CMTM8: variants seen among roughly 807,000 people sequenced by gnomAD.
CMTM8 encodes the protein CKLF-like MARVEL transmembrane domain-containing protein 8.
In CMTM8, 12 loss-of-function variants were observed where a neutral mutation model predicts 18.6. That is an observed-to-expected ratio of 0.65 (90% CI 0.41 to 1.05). CMTM8 has a LOEUF of 1.05. CMTM8 is among the 50% of genes least tolerant of loss of function. The pLI is 0.00. For missense variants in CMTM8, 217 were observed against 227.2 expected (o/e 0.95, Z 0.29); for synonymous variants, 87 against 90.6 (o/e 0.96, Z 0.23).
rs1338908818 is a variant in CMTM8, at chr3:32,318,586, A to T, written c.148-38787A>T. The stretch of plus-strand genomic sequence containing the variant: ...TTAATTTTTTTTTTTTTTTTTTTTG[A>T]GACAGAGTCTCACTCTGTCACCCAG... On this transcript the variant is annotated intron_variant, in intron 1 of 3. Coordinates refer to ENST00000307526, the MANE Select transcript of CMTM8 (RefSeq NM_178868.5). 8.1e-4 allele frequency among the ~76,000 whole-genome samples: 75 copies of T among 92,502 alleles called. 1 individual carries two copies. The highest frequency in any genetic ancestry group is 2.2e-3 in the African/African-American group (52 of 23,682). 60.7% of individuals were successfully genotyped at this position (92,502 alleles called of 152,430 possible). A position where few individuals can be genotyped will look rare whatever the true frequency, so the allele number is the denominator to read the frequency against.
chr3:32,326,246 A>T (rs530244805), intron 1 of CMTM8, among the ~76,000 whole-genome samples: 1 of 152,350 alleles, frequency 6.6e-6, no homozygotes, highest in African/African-American at 2.4e-5. Context: ...CCAACTCTGA[A>T]ACACTGATGC....
At chr3:32,353,643 A>G (rs1443790360) in intron 1 of CMTM8, among the ~76,000 whole-genome samples, 1 of 152,224 alleles carries the variant, frequency 6.6e-6, no homozygotes, top group Non-Finnish European at 1.5e-5. Context: ...AGAAAGAGAA[A>G]GATGTGCAGG....
intron 1 of CMTM8, among the ~76,000 whole-genome samples, chr3:32,337,792 G>T (rs575954215): frequency 6.6e-6 from 1 of 152,062 alleles, no homozygotes; most frequent in Non-Finnish European, 1.5e-5. Context: ...GACATCATTG[G>T]AGAATCCAAG....
intron 1 of CMTM8, among the ~76,000 whole-genome samples, chr3:32,349,429 T>C (rs1216158045): frequency 1.3e-5 from 2 of 152,130 alleles, no homozygotes; most frequent in Admixed American, 1.3e-4. Context: ...GTCTTCATAC[T>C]GAATACTTAG....
chr3:32,243,054 A>G (rs573335391), intron 1 of CMTM8, among the ~76,000 whole-genome samples: 43 of 151,692 alleles, frequency 2.8e-4, no homozygotes, highest in Admixed American at 1.3e-3. Context: ...CACCAAGCCT[A>G]CCTAATTTTT....
intron 1 of CMTM8, among the ~76,000 whole-genome samples, chr3:32,301,409 A>G (rs1695616152): frequency 6.6e-6 from 1 of 152,200 alleles, no homozygotes; most frequent in Non-Finnish European, 1.5e-5. Context: ...ATTTTAAATA[A>G]CAATATATAA....
intron 1 of CMTM8, among the ~76,000 whole-genome samples, chr3:32,303,499 T>C (rs924008613): frequency 2.0e-5 from 3 of 152,312 alleles, no homozygotes; most frequent in African/African-American, 7.2e-5. Context: ...TAAAAGTAAA[T>C]TGGGTCGCTT....
rs539692446 is a variant in CMTM8 at position 32,299,875 on chromosome 3, G to A, written c.148-57498G>A. ...TTTTGGGCTTTGTAGGCCAAAATAT[G>A]TACTGTCTGTAGCTACTTAACTCTG... On this transcript the variant is annotated intron_variant, in intron 1 of 3. Coordinates refer to ENST00000307526, the MANE Select transcript of CMTM8 (RefSeq NM_178868.5). 6.6e-5 allele frequency among the ~76,000 whole-genome samples: 10 copies of A among 152,276 alleles called. No homozygotes were observed. The South Asian group carries it at 2.1e-3, about 32-fold the overall frequency.
rs182569072 is a variant in CMTM8, at chr3:32,297,277, C to T, written c.147+58158C>T. On this transcript the variant is annotated intron_variant, in intron 1 of 3. Transcript: ENST00000307526. ...CACTGCAACCTCCACCTCCTGGGTTCAAGTGATTCTCCTGCCTCAGCCTCC... is the reference window on the plus strand; with the variant it reads ...CACTGCAACCTCCACCTCCTGGGTTTAAGTGATTCTCCTGCCTCAGCCTCC... Among the ~76,000 whole-genome samples, 1,299 of 152,260 alleles carry T rather than the reference C, an allele frequency of 8.5e-3. 10 individuals carry two copies. The highest frequency in any genetic ancestry group is 0.034 in the Middle Eastern group (10 of 294).
intron 1 of CMTM8, among the ~76,000 whole-genome samples, chr3:32,295,454 T>TAAA (rs1702856492): frequency 9.4e-5 from 1 of 10,690 alleles, no homozygotes; most frequent in East Asian, 2.1e-3. Flanking sequence ...AGACTCCATC[T>TAAA]CAAAAAAAAA....
intron 1 of CMTM8, among the ~76,000 whole-genome samples, chr3:32,334,385 T>A (rs1272984625): frequency 6.6e-6 from 1 of 151,772 alleles, no homozygotes; most frequent in Non-Finnish European, 1.5e-5. Context: ...GGCAGGCAGA[T>A]CACGAGGTCA....
At chr3:32,366,553 C>G (rs115965437) in intron 2 of CMTM8, among the ~76,000 whole-genome samples, 4,410 of 152,272 alleles carry the variant, frequency 0.029, 202 homozygotes, top group African/African-American at 0.1. Context: ...CAAAGATGTT[C>G]GTTGCAGTAG....
At chr3:32,276,355 C>A (rs1437988558) in intron 1 of CMTM8, among the ~76,000 whole-genome samples, 2 of 152,186 alleles carry the variant, frequency 1.3e-5, no homozygotes, top group Non-Finnish European at 2.9e-5. Context: ...ACAGGAACTT[C>A]TTTTCCTGTA....
At chr3:32,298,924 C>CAT (rs1553604474) in intron 1 of CMTM8, among the ~76,000 whole-genome samples, 1,945 of 86,486 alleles carry the variant, frequency 0.022, 14 homozygotes, top group Non-Finnish European at 0.036. Flanking sequence ...TACACACACA[C>CAT]ATATATATAT....
At chr3:32,319,901 A>T (rs543791196) in intron 1 of CMTM8, among the ~76,000 whole-genome samples, 3 of 152,320 alleles carry the variant, frequency 2.0e-5, no homozygotes, top group African/African-American at 7.2e-5. Context: ...TGGGGGTTGC[A>T]GTCAGTACTG....
intron 1 of CMTM8, among the ~76,000 whole-genome samples, chr3:32,321,493 C>T (rs1370221814): frequency 6.6e-6 from 1 of 152,166 alleles, no homozygotes; most frequent in Non-Finnish European, 1.5e-5. Context: ...ACCCTAGGAC[C>T]CCCCAGACTC....
At chr3:32,267,231 T>C (rs1347862724) in intron 1 of CMTM8, among the ~76,000 whole-genome samples, 8 of 152,140 alleles carry the variant, frequency 5.3e-5, no homozygotes. Context: ...CAAAACAGCA[T>C]GATACTGGTA....
chr3:32,353,795 T>C (rs1470419557), intron 1 of CMTM8, among the ~76,000 whole-genome samples: 1 of 151,072 alleles, frequency 6.6e-6, no homozygotes, highest in African/African-American at 2.4e-5. Flanking sequence ...TTTTTTTTTT[T>C]TTTTTTTGAG....
intron 1 of CMTM8, among the ~76,000 whole-genome samples, chr3:32,321,506 T>C (rs9833771): frequency 0.38 from 57,084 of 151,936 alleles, 11,459 homozygotes; most frequent in Non-Finnish European, 0.46. Flanking sequence ...CCAGACTCCA[T>C]TTGTTGTGAA....
Sources: gnomAD v4.1 joint callset for allele counts (sites outside exome capture counted in the v4.1 genomes callset) on GRCh38, gnomAD v4.1.1 for gene constraint, MANE v1.5 for transcripts, NCBI Gene and HGNC (gene_info 2026-07-23, HGNC 2026-07-21) for gene names.